Variants in CCDC170 observed in about 807,000 individuals in gnomAD.
The protein encoded by CCDC170 is coiled-coil domain-containing protein 170.
In CCDC170, 69 loss-of-function variants were observed where a neutral mutation model predicts 72.6. The ratio of observed to expected loss-of-function variants is 0.95; its 90% confidence interval spans 0.78 to 1.16. The LOEUF is 1.16. Among genes scored for constraint, CCDC170 ranks in the 50% most tolerant of loss-of-function variants. CCDC170 has a pLI of 0.00. For synonymous variants in CCDC170, 300 were observed against 303.9 expected (o/e 0.99, Z 0.13); for missense variants, 852 against 832.5 (o/e 1.02, Z -0.29).
intron 9 of CCDC170, among the ~76,000 whole-genome samples, chr6:151,605,581 CA>C (rs1227458423): frequency 6.6e-6 from 1 of 152,130 alleles, no homozygotes. Flanking sequence ...GTCCTCTTAC[CA>C]GGGAACTTAA....
intron 9 of CCDC170, among the ~76,000 whole-genome samples, chr6:151,605,033 C>T (rs561916804): frequency 7.9e-5 from 12 of 152,260 alleles, no homozygotes; most frequent in Non-Finnish European, 1.6e-4. Flanking sequence ...ATTAACCAAC[C>T]TTTTCCTGTG....
At chr6:151,567,528 G>A (rs749842087) in intron 5 of CCDC170, among the ~76,000 whole-genome samples, 28 of 152,208 alleles carry the variant, frequency 1.8e-4, no homozygotes, top group Non-Finnish European at 2.4e-4. Flanking sequence ...CACCATACCC[G>A]TCTGAAACAA....
intron 5 of CCDC170, among the ~76,000 whole-genome samples, chr6:151,570,014 G>A (rs1044397874): frequency 6.6e-6 from 1 of 152,128 alleles, no homozygotes; most frequent in African/African-American, 2.4e-5. Flanking sequence ...AAAAGAAAAC[G>A]TTCTTTGGAT....
chr6:151,583,524 G>C (rs182597253), intron 6 of CCDC170, among the ~76,000 whole-genome samples: 1 of 151,624 alleles, frequency 6.6e-6, no homozygotes, highest in African/African-American at 2.4e-5. Flanking sequence ...GTGGCGTGAT[G>C]TTGGCTCACT....
At chr6:151,565,716 C>G (rs1056379811) in intron 5 of CCDC170, among the ~76,000 whole-genome samples, 1 of 152,166 alleles carries the variant, frequency 6.6e-6, no homozygotes, top group Non-Finnish European at 1.5e-5. Context: ...TTAGCCTCTT[C>G]TTTCTATATA....
chr6:151,615,992 G>A (rs576486445), intron 10 of CCDC170: 18 of 219,382 alleles, frequency 8.2e-5, no homozygotes, highest in East Asian at 5.2e-4. Context: ...GATTTACCCC[G>A]CTAAGAAAAA....
chr6:151,567,902 G>A (rs919580362), intron 5 of CCDC170, among the ~76,000 whole-genome samples: 42 of 151,936 alleles, frequency 2.8e-4, no homozygotes, highest in African/African-American at 9.4e-4. Flanking sequence ...CACAAGGTCA[G>A]GAGTTCAAGA....
At chr6:151,589,213 C>G (rs1371577490) in intron 7 of CCDC170, among the ~76,000 whole-genome samples, 1 of 151,996 alleles carries the variant, frequency 6.6e-6, no homozygotes, top group Admixed American at 6.6e-5. Context: ...CAAGATTGCG[C>G]CATTGTACTC....
intron 7 of CCDC170, among the ~76,000 whole-genome samples, chr6:151,592,546 G>A (rs111344299): frequency 0.1 from 15,368 of 152,110 alleles, 1,596 homozygotes; most frequent in African/African-American, 0.27. Flanking sequence ...CCAAGCAAAA[G>A]GGGTTTTCCC....
chr6:151,597,040 G>A (rs1776637199), intron 9 of CCDC170, among the ~76,000 whole-genome samples: 1 of 152,170 alleles, frequency 6.6e-6, no homozygotes, highest in Non-Finnish European at 1.5e-5. Context: ...TGGTCAGGTT[G>A]GTCTCGAACT....
intron 1 of CCDC170, among the ~76,000 whole-genome samples, chr6:151,500,214 TG>T (rs1378067745): frequency 3.7e-4 from 51 of 139,586 alleles, no homozygotes; most frequent in African/African-American, 1.1e-3. Context: ...TGGTTTGCTC[TG>T]TTTTTTTTTT....
At chr6:151,524,378 A>T (rs1207647224) in intron 1 of CCDC170, among the ~76,000 whole-genome samples, 1 of 152,102 alleles carries the variant, frequency 6.6e-6, no homozygotes, top group African/African-American at 2.4e-5. Context: ...TTTGACTTCT[A>T]CTTTGACCAT....
In CCDC170 at chr6:151,552,942, A is replaced by G. The variant is rs763139143; in HGVS notation, c.774+4453A>G. On this transcript the variant is annotated intron_variant, in intron 5 of 10. Transcript: ENST00000239374. Reference sequence around the variant, plus strand: ...GCTGGGATTACAGGCACGTGCCACTATGCTTGGCTAATTTTTTGTATTTTT... The same window carrying G: ...GCTGGGATTACAGGCACGTGCCACTGTGCTTGGCTAATTTTTTGTATTTTT... 4.6e-5 allele frequency among the ~76,000 whole-genome samples: 7 copies of G among 151,776 alleles called. No homozygotes were observed. In the East Asian group the frequency reaches 7.8e-4, roughly 17 times the overall value.
At chr6:151,561,100 G>C (rs1384968703) in intron 5 of CCDC170, among the ~76,000 whole-genome samples, 3 of 151,852 alleles carry the variant, frequency 2.0e-5, no homozygotes, top group Non-Finnish European at 4.4e-5. Context: ...CATAGTGGGT[G>C]TGTATATTTA....
At chr6:151,507,566 A>G (rs1015003852) in intron 1 of CCDC170, among the ~76,000 whole-genome samples, 2 of 152,208 alleles carry the variant, frequency 1.3e-5, no homozygotes, top group African/African-American at 4.8e-5. Flanking sequence ...TAGGGCCCAC[A>G]AAAGTTATAA....
chr6:151,562,779 C>G (rs1168640741), intron 5 of CCDC170, among the ~76,000 whole-genome samples: 2 of 152,010 alleles, frequency 1.3e-5, no homozygotes, highest in Non-Finnish European at 2.9e-5. Context: ...AGGCTGATGT[C>G]CAGTGAAAGC....
At chr6:151,506,269 G>C (rs1470759903) in intron 1 of CCDC170, among the ~76,000 whole-genome samples, 2 of 152,172 alleles carry the variant, frequency 1.3e-5, no homozygotes, top group East Asian at 3.9e-4. Flanking sequence ...TTGACAATTA[G>C]AATTTTAGAG....
At chr6:151,596,290 A>G (rs774071792) in intron 8 of CCDC170, 45 bp from the exon 9 acceptor site, 3 of 1,537,886 alleles carry the variant, frequency 2.0e-6, no homozygotes, top group Non-Finnish European at 2.6e-6. Flanking sequence ...TATATTTACT[A>G]TTGTTCAATT....
At chr6:151,521,811 G>A (rs552940984) in intron 1 of CCDC170, among the ~76,000 whole-genome samples, 99 of 151,952 alleles carry the variant, frequency 6.5e-4, no homozygotes, top group Middle Eastern at 3.4e-3. Context: ...GTGAAATCCC[G>A]TCTCTACTAA....
Sources: allele counts gnomAD v4.1 joint callset (sites outside exome capture counted in the v4.1 genomes callset), GRCh38; gene constraint gnomAD v4.1.1; transcripts MANE v1.5; gene names NCBI Gene and HGNC (gene_info 2026-07-23, HGNC 2026-07-21).